Variants in RHPN1 observed in about 807,000 individuals in gnomAD.
The protein encoded by RHPN1 is rhophilin Rho GTPase binding protein 1, also known as rhophilin-1.
Under a neutral mutation model 74.7 loss-of-function variants are expected in RHPN1, and 77 were observed. The observed-to-expected ratio is 1.03, with a 90% CI of 0.86 to 1.25. The LOEUF (loss-of-function observed/expected upper bound fraction) is 1.25, where lower values mean the gene tolerates loss of function less well. RHPN1 is among the 50% of genes most tolerant of loss of function. The probability of loss-of-function intolerance (pLI) is 0.00; values close to 1 mark genes in which losing one functional copy is unlikely to be tolerated. For missense variants in RHPN1, 987 were observed against 932.2 expected (o/e 1.06, Z -0.77); for synonymous variants, 444 against 414.5 (o/e 1.07, Z -0.87).
At chr8:143,378,510 C>T (rs901592200) in intron 5 of RHPN1, among the ~76,000 whole-genome samples, 164 bp downstream of exon 5, 1 of 152,102 alleles carries the variant, frequency 6.6e-6, no homozygotes, top group Non-Finnish European at 1.5e-5. Context: ...AGCCAGGGGG[C>T]GTGGAGGGGC....
At chr8:143,375,805 C>G in intron 2 of RHPN1, 137 bp downstream of exon 2, 1 of 619,892 alleles carries the variant, frequency 1.6e-6, no homozygotes, top group East Asian at 3.0e-5. Flanking sequence ...CTGGTGGGCA[C>G]GTAGTACACG....
intron 2 of RHPN1, 87 bp from the exon 3 acceptor site, chr8:143,376,438 A>G: frequency 6.4e-7 from 1 of 1,554,320 alleles, no homozygotes; most frequent in Non-Finnish European, 8.7e-7. Flanking sequence ...GAGCTTTGAC[A>G]GGTCAGCTGG....
rs565463603 is a variant in RHPN1 at position 143,379,656 on chromosome 8, A to G, written c.945+148A>G. 76 of 1,444,246 alleles carry G rather than the reference A, an allele frequency of 5.3e-5. 1 individual carries two copies. The East Asian group carries it at 1.9e-3, about 36-fold the overall frequency. 89.5% of individuals were successfully genotyped at this position (1,444,246 alleles called of 1,614,324 possible). A position where few individuals can be genotyped will look rare whatever the true frequency, so the allele number is the denominator to read the frequency against. On this transcript the variant is annotated intron_variant, in intron 8 of 14. Coordinates refer to ENST00000289013, the MANE Select transcript of RHPN1 (RefSeq NM_052924.3). The stretch of plus-strand genomic sequence containing the variant: ...GTCCTGCTCCCTGGGGGGGCTGGTC[A>G]GGAACCTGGGGACCCGAGCCTCTGC...
chr8:143,378,240 T>C (rs1304959775), intron 4 of RHPN1, 29 bp from the exon 5 acceptor site: 12 of 1,547,328 alleles, frequency 7.8e-6, no homozygotes, highest in Non-Finnish European at 9.6e-6. Flanking sequence ...ACAGGGGTAC[T>C]GTGGATGCCA....
chr8:143,377,262 G>C (rs550491520), intron 3 of RHPN1, 118 bp from the exon 4 acceptor site: 1 of 735,434 alleles, frequency 1.4e-6, no homozygotes, highest in Non-Finnish European at 2.3e-6. Context: ...ACAGGCGCAC[G>C]TGCACACCCA....
At chr8:143,372,682 G>A (rs959824258) in intron 1 of RHPN1, among the ~76,000 whole-genome samples, 1 of 151,648 alleles carries the variant, frequency 6.6e-6, no homozygotes, top group East Asian at 2.0e-4. Flanking sequence ...CCTCCGTCAG[G>A]CTCCCTCACC....
chr8:143,379,777 G>A, intron 8 of RHPN1, 52 bp from the exon 9 acceptor site: 2 of 1,553,660 alleles, frequency 1.3e-6, no homozygotes, highest in Non-Finnish European at 8.7e-7. Context: ...GGAGAAGCAG[G>A]CACCACCTGG....
At chr8:143,381,213 C>T in intron 11 of RHPN1, 55 bp from the exon 12 acceptor site, 1 of 1,488,340 alleles carries the variant, frequency 6.7e-7, no homozygotes, top group Non-Finnish European at 9.2e-7. Context: ...CTGGAAAATC[C>T]CCGAGGCAGG....
chr8:143,366,525 A>ACACACACACG (rs1554624617), upstream of RHPN1: 7 of 151,074 alleles, frequency 4.6e-5, no homozygotes, highest in Admixed American at 2.6e-4. Flanking sequence ...ACACACACAC[A>ACACACACACG]CACACACGCA....
intron 14 of RHPN1, 150 bp downstream of exon 14, chr8:143,382,118 G>A: frequency 1.2e-6 from 1 of 808,142 alleles, no homozygotes. Context: ...GGGGCCACCT[G>A]TGCTGTGGCC....
rs551457673 is a variant in RHPN1, at chr8:143,378,659, G to A, written c.460-37G>A. 56 of 1,582,166 alleles carry A rather than the reference G, an allele frequency of 3.5e-5. No individual in the cohort carries two copies. The East Asian group carries it at 1.2e-3, about 35-fold the overall frequency. On this transcript the variant is annotated intron_variant, in intron 5 of 14. Transcript: ENST00000289013. ...AGGGCAGTGTGTGTGAGTGGGGTGG[G>A]CCAGGGCGGTGGGGCCCAGTGGCTC...
At chr8:143,380,900 C>A in intron 11 of RHPN1, 117 bp downstream of exon 11, 1 of 899,188 alleles carries the variant, frequency 1.1e-6, no homozygotes, top group Non-Finnish European at 1.6e-6. Flanking sequence ...AATTAAACAG[C>A]AGTAGCACTT....
intron 2 of RHPN1, 82 bp from the exon 3 acceptor site, chr8:143,376,443 A>T: frequency 6.4e-7 from 1 of 1,564,444 alleles, no homozygotes; most frequent in Non-Finnish European, 8.7e-7. Flanking sequence ...TTGACAGGTC[A>T]GCTGGCAGGA....
chr8:143,374,851 C>A (rs1818106829), intron 1 of RHPN1, among the ~76,000 whole-genome samples: 2 of 152,350 alleles, frequency 1.3e-5, no homozygotes, highest in East Asian at 1.9e-4. Flanking sequence ...CCAGAAGGGG[C>A]CCCGCTGGGC....
intron 10 of RHPN1, 27 bp downstream of exon 10, chr8:143,380,202 TGGGGCTCAGATGGTCACCAAC>T (rs1818618105): frequency 1.4e-6 from 2 of 1,453,750 alleles, no homozygotes; most frequent in Admixed American, 4.5e-5. Context: ...TGGAGTGCCC[TGGGGCTCAGATGGTCACCAAC>T]GGTGGCAGGG....
Position 143,368,941 on chromosome 8 carries a change from G to A in RHPN1, c.-47G>A. 3 of 1,406,464 alleles carry A rather than the reference G, an allele frequency of 2.1e-6. No individual in the cohort carries two copies. Among genetic ancestry groups the A allele is most frequent in the African/African-American group, 1.5e-5 (1 of 65,900 alleles). 87.1% of individuals were successfully genotyped at this position (1,406,464 alleles called of 1,614,324 possible). On this transcript the variant is annotated 5_prime_UTR_variant, in exon 1 of 15. Transcript: ENST00000289013. The stretch of plus-strand genomic sequence containing the variant: ...CCCGGCTGCGGAGCGCTGCGCGAGC[G>A]GCGGGCTGGCTGACCCCGAGGGACC...
upstream of RHPN1, chr8:143,368,771 C>T (rs915528812): frequency 1.3e-4 from 42 of 325,012 alleles, no homozygotes; most frequent in South Asian, 3.0e-4. Context: ...AGCGGCATTG[C>T]CGCCTATTGG....
Position 143,382,568 on chromosome 8 carries a change from G to T in RHPN1, c.1930G>T (p.Gly644Cys). ...CAACTGGAGCCGAAAGGCCCAGCAG[G>T]GCAAGACTGGAGGCTGCCCCCAGCC... ...LLNWSRKAQQ[G>C]KTGGCPQPCA... The change falls in exon 15 of 15, where the codon GGC (glycine) becomes TGC (cysteine). Residue 644 changes from glycine (G) to cysteine (C), a missense_variant. Gly to Cys is a radical substitution (Grantham distance 159, BLOSUM62 -3). Coordinates refer to ENST00000289013, the MANE Select transcript of RHPN1 (RefSeq NM_052924.3). 6.2e-7 allele frequency: 1 copy of T among 1,611,602 alleles called. No individual in the cohort carries two copies. Among genetic ancestry groups the T allele is most frequent in the African/African-American group, 1.3e-5 (1 of 75,018 alleles).
intron 5 of RHPN1, 46 bp from the exon 6 acceptor site, chr8:143,378,650 G>T: frequency 1.9e-6 from 3 of 1,577,236 alleles, no homozygotes; most frequent in Non-Finnish European, 2.6e-6. Flanking sequence ...GTGTGTGTGA[G>T]TGGGGTGGGC....
Sources: allele counts gnomAD v4.1 joint callset (sites outside exome capture counted in the v4.1 genomes callset), GRCh38; gene constraint gnomAD v4.1.1; transcripts MANE v1.5; gene names NCBI Gene and HGNC (gene_info 2026-07-23, HGNC 2026-07-21).